Variants in LIN28B observed in about 807,000 individuals in gnomAD.
LIN28B encodes lin-28 RNA binding posttranscriptional regulator B, also known as protein lin-28 homolog B.
LIN28B carries 5 observed loss-of-function variants against 21.9 expected under a neutral mutation model. The observed-to-expected ratio is 0.23, with a 90% CI of 0.12 to 0.48. The LOEUF is 0.48. LIN28B is among the 20% of genes least tolerant of loss of function. LIN28B has a pLI of 0.98. For synonymous variants in LIN28B, 109 were observed against 111.3 expected (o/e 0.98, Z 0.13); for missense variants, 245 against 310.5 (o/e 0.79, Z 1.58).
At chr6:105,043,626 A>G (rs1771688176) in intron 3 of LIN28B, among the ~76,000 whole-genome samples, 1 of 151,062 alleles carries the variant, frequency 6.6e-6, no homozygotes, top group Admixed American at 6.6e-5. Flanking sequence ...ACTCTCACCC[A>G]AGCTGGAGTG....
intron 3 of LIN28B, among the ~76,000 whole-genome samples, chr6:105,057,722 A>G (rs1562109548): frequency 6.6e-6 from 1 of 151,422 alleles, no homozygotes; most frequent in Non-Finnish European, 1.5e-5. Flanking sequence ...GTATTAGTTT[A>G]CTATAAATTA....
intron 3 of LIN28B, among the ~76,000 whole-genome samples, chr6:105,063,652 A>AAG (rs1772169628): frequency 2.0e-5 from 3 of 148,944 alleles, no homozygotes; most frequent in Non-Finnish European, 3.0e-5. Flanking sequence ...GGGGGGGAAA[A>AAG]AAAGGTAAAG....
chr6:105,027,393 AT>A (rs1771308524), intron 3 of LIN28B, among the ~76,000 whole-genome samples: 1 of 151,730 alleles, frequency 6.6e-6, no homozygotes. Flanking sequence ...ACATTATTTG[AT>A]TACTTTGGAG....
intron 3 of LIN28B, among the ~76,000 whole-genome samples, chr6:105,053,995 C>T (rs541338645): frequency 1.4e-4 from 21 of 152,254 alleles, no homozygotes; most frequent in East Asian, 3.9e-4. Context: ...CCACCTGCCT[C>T]GGCCTCCCAA....
chr6:105,044,583 C>T (rs993723632), intron 3 of LIN28B, among the ~76,000 whole-genome samples: 1 of 151,984 alleles, frequency 6.6e-6, no homozygotes, highest in Non-Finnish European at 1.5e-5. Context: ...ATTTCAATTC[C>T]CACAATGAAG....
intron 2 of LIN28B, among the ~76,000 whole-genome samples, chr6:104,993,392 C>T (rs1770535064): frequency 6.6e-6 from 1 of 152,014 alleles, no homozygotes; most frequent in African/African-American, 2.4e-5. Flanking sequence ...CACTTGAGCT[C>T]AGGATTTCGA....
chr6:105,046,415 ATTGATGG>A (rs1203621939), intron 3 of LIN28B, among the ~76,000 whole-genome samples: 1 of 152,216 alleles, frequency 6.6e-6, no homozygotes, highest in Non-Finnish European at 1.5e-5. Flanking sequence ...CCAGTCTATC[ATTGATGG>A]ACATTCGGGT....
chr6:105,043,741 C>A (rs1196968575), intron 3 of LIN28B, among the ~76,000 whole-genome samples: 1 of 151,820 alleles, frequency 6.6e-6, no homozygotes, highest in Admixed American at 6.6e-5. Context: ...ACCACCATGC[C>A]CTGCTAATTT....
intron 3 of LIN28B, among the ~76,000 whole-genome samples, chr6:105,050,197 G>T (rs1432429626): frequency 6.6e-6 from 1 of 152,098 alleles, no homozygotes; most frequent in Admixed American, 6.6e-5. Context: ...GGCAGGCCTG[G>T]TGGTGACAAA....
chr6:105,055,295 A>G (rs1000197905), intron 3 of LIN28B, among the ~76,000 whole-genome samples: 1 of 152,120 alleles, frequency 6.6e-6, no homozygotes, highest in Non-Finnish European at 1.5e-5. Context: ...ACATATATGT[A>G]TATATCAGAC....
At position 105,059,262 on chromosome 6, in the gene LIN28B, T is replaced by A. The variant is rs72944763; in HGVS notation, c.384-19152T>A. Among the ~76,000 whole-genome samples the A allele has an allele frequency of 8.4e-3, 1,273 of 152,172 alleles. 8 individuals carry two copies. Among genetic ancestry groups the A allele is most frequent in the Non-Finnish European group, 0.014 (944 of 67,994 alleles). On this transcript the variant is annotated intron_variant, in intron 3 of 3. Transcript: ENST00000345080. ...GGGAGAAGTATCTCTTTTCTTGTCT[T>A]CCTTCTACTTTTCTGGCTGTTCCTT...
rs1772496807 is a variant in LIN28B at position 105,079,407 on chromosome 6, C to T, written c.*624C>T. On this transcript the variant is annotated 3_prime_UTR_variant, in exon 4 of 4. Transcript: ENST00000345080. ...ATCTCTGGAGTAGTAATTTTTTTCC[C>T]CCTTTTTTGAAGGCAGTACCTTAAC... 6.6e-6 allele frequency: 1 copy of T among 152,592 alleles called. No individual in the cohort carries two copies. Among genetic ancestry groups the T allele is most frequent in the Non-Finnish European group, 1.5e-5 (1 of 68,018 alleles). 9.5% of individuals were successfully genotyped at this position (152,592 alleles called of 1,614,324 possible).
chr6:105,002,577 A>G (rs1770740453), intron 2 of LIN28B, among the ~76,000 whole-genome samples: 1 of 152,218 alleles, frequency 6.6e-6, no homozygotes, highest in South Asian at 2.1e-4. Context: ...TGCAGTAGTC[A>G]CATGACTAGT....
At chr6:104,954,358 A>G (rs948959366), upstream of LIN28B, among the ~76,000 whole-genome samples, 7 of 152,266 alleles carry the variant, frequency 4.6e-5, no homozygotes, top group South Asian at 2.1e-4. Flanking sequence ...TTATAAAAGG[A>G]TTTTAGGCTC....
In LIN28B at chr6:105,081,443, A is replaced by T. The variant is rs1162170052; in HGVS notation, c.*2660A>T. The stretch of plus-strand genomic sequence containing the variant: ...TCTGTTTACAGCAAAAGGCTACCTC[A>T]TAGTTGATACATAGCACACCTGTAT... On this transcript the variant is annotated 3_prime_UTR_variant, in exon 4 of 4. Coordinates refer to ENST00000345080, the MANE Select transcript of LIN28B (RefSeq NM_001004317.4). The T allele has an allele frequency of 6.6e-6, 1 of 152,664 alleles. No homozygotes were observed. Among genetic ancestry groups the T allele is most frequent in the Admixed American group, 6.5e-5 (1 of 15,278 alleles). The allele number at this position is 152,664 out of a possible 1,614,324, so 9.5% of individuals were successfully genotyped here. A position where few individuals can be genotyped will look rare whatever the true frequency, so the allele number is the denominator to read the frequency against.
At chr6:105,009,988 T>G (rs908718766) in intron 2 of LIN28B, among the ~76,000 whole-genome samples, 3 of 152,156 alleles carry the variant, frequency 2.0e-5, no homozygotes, top group Admixed American at 1.3e-4. Context: ...CTCCCCATTT[T>G]CCAATTACAT....
In LIN28B at chr6:105,026,469, C is replaced by G; in HGVS notation, c.370C>G (p.Pro124Ala). 3 of 1,568,008 alleles carry G rather than the reference C, an allele frequency of 1.9e-6. No homozygotes were observed. Among genetic ancestry groups the G allele is most frequent in the Non-Finnish European group, 2.6e-6 (3 of 1,161,788 alleles). The change falls in exon 3 of 4, where the codon CCA (proline) becomes GCA (alanine). Residue 124 changes from proline to alanine, a missense_variant. Pro to Ala is a conservative substitution (Grantham distance 27). Coordinates refer to ENST00000345080, the MANE Select transcript of LIN28B (RefSeq NM_001004317.4). ...PKGKTLQKRKPKGDRCYNCGG... is the reference protein window; with the variant it reads ...PKGKTLQKRKAKGDRCYNCGG... ...AGGGAAGACACTACAGAAAAGAAAA[C>G]CAAAGGGAGATAGGTAATCATTTTT... is the stretch of plus-strand genomic sequence containing the variant.
intron 2 of LIN28B, among the ~76,000 whole-genome samples, chr6:105,011,629 C>G (rs1022796942): frequency 9.2e-5 from 14 of 152,130 alleles, no homozygotes; most frequent in African/African-American, 3.1e-4. Context: ...GCAGGCAGAT[C>G]ACCTGAGGTC....
chr6:104,988,056 CT>C (rs1770384445), intron 2 of LIN28B, among the ~76,000 whole-genome samples: 1 of 152,134 alleles, frequency 6.6e-6, no homozygotes, highest in Non-Finnish European at 1.5e-5. Context: ...CAATATTCTT[CT>C]ATTTTTTTAA....
Sources: allele counts gnomAD v4.1 joint callset (sites outside exome capture counted in the v4.1 genomes callset), GRCh38; gene constraint gnomAD v4.1.1; transcripts MANE v1.5; gene names NCBI Gene and HGNC (gene_info 2026-07-23, HGNC 2026-07-21).